ZNF783: variants seen among roughly 807,000 people sequenced by gnomAD.
The protein encoded by ZNF783 is protein ZNF783.
In ZNF783, 25 loss-of-function variants were observed where a neutral mutation model predicts 31.3. The observed-to-expected ratio is 0.80, with a 90% CI of 0.58 to 1.11. The LOEUF (loss-of-function observed/expected upper bound fraction) is 1.11, where lower values mean the gene tolerates loss of function less well. ZNF783 is among the 50% of genes most tolerant of loss of function. The probability of loss-of-function intolerance (pLI) is 0.00; values close to 1 mark genes in which losing one functional copy is unlikely to be tolerated. For missense variants in ZNF783, 797 were observed against 760.0 expected (o/e 1.05, Z -0.57); for synonymous variants, 369 against 319.1 (o/e 1.16, Z -1.66).
chr7:149,281,984 C>T lies in ZNF783; in HGVS notation c.1282C>T (p.Arg428Trp), dbSNP rs1563200137. ...SVAGGRALVG[R>W]RPAASKMYHC... ...GGCAGGGGGCCGTGCCTTGGTGGGG[C>T]GGCGGCCTGCAGCCAGCAAGATGTA... Residue 428 changes from arginine to tryptophan, a missense_variant, in exon 6 of 6, where the codon CGG becomes TGG. By Grantham distance (101) the Arg-to-Trp change is moderately radical. Transcript: ENST00000434415. 5 of 1,574,004 alleles carry T rather than the reference C, an allele frequency of 3.2e-6. No individual in the cohort carries two copies. The Middle Eastern group carries it at 6.9e-4, about 217-fold the overall frequency.
At chr7:149,277,958 G>T (rs905019180) in intron 4 of ZNF783, 4 of 199,522 alleles carry the variant, frequency 2.0e-5, no homozygotes, top group African/African-American at 9.2e-5. Flanking sequence ...CTTCTGAGGG[G>T]AAAACCTTGA....
intron 4 of ZNF783, among the ~76,000 whole-genome samples, chr7:149,272,505 A>C (rs1797229526): frequency 6.6e-6 from 1 of 152,174 alleles, no homozygotes; most frequent in South Asian, 2.1e-4. Context: ...TCAGTGTAAT[A>C]GTAAGAAGTC....
At chr7:149,276,357 A>T (rs1340176177) in intron 4 of ZNF783, 24 of 989,134 alleles carry the variant, frequency 2.4e-5, no homozygotes, top group Non-Finnish European at 2.5e-5. Flanking sequence ...TGTAGGAAGG[A>T]TCCAAAGATG....
chr7:149,262,424 G>C, intron 1 of ZNF783, 67 bp downstream of exon 1: 1 of 1,177,998 alleles, frequency 8.5e-7, no homozygotes. Context: ...CCGCGCGAGG[G>C]ACTCTGGCCG....
intron 4 of ZNF783, 140 bp from the exon 5 acceptor site, chr7:149,278,259 G>A (rs1342541236): frequency 6.9e-7 from 1 of 1,444,278 alleles, no homozygotes; most frequent in African/African-American, 1.4e-5. Flanking sequence ...GTATTTGGTG[G>A]GGTCCACCTC....
At chr7:149,280,538 T>A (rs1335348698) in intron 5 of ZNF783, among the ~76,000 whole-genome samples, 1 of 152,180 alleles carries the variant, frequency 6.6e-6, no homozygotes, top group African/African-American at 2.4e-5. Context: ...TCTGGGGTCC[T>A]TCCTGGTCTT....
chr7:149,263,296 GTGTGTGTGTATATA>G lies in ZNF783; in HGVS notation c.24+941_24+954del, dbSNP rs143774717. Among the ~76,000 whole-genome samples the G allele has an allele frequency of 9.7e-3, 686 of 71,054 alleles. 5 individuals carry two copies. The highest frequency in any genetic ancestry group is 0.014 in the Non-Finnish European group (478 of 33,090). 46.6% of individuals were successfully genotyped at this position (71,054 alleles called of 152,430 possible). ...TGTGTGTGTGTGTGTGTGTGTGTGT[GTGTGTGTGTATATA>G]TATATATATATATATTTTTTTTTTA... On this transcript the variant is annotated intron_variant, in intron 1 of 5. Coordinates refer to ENST00000434415, the MANE Select transcript of ZNF783 (RefSeq NM_001195220.2).
chr7:149,277,530 G>A (rs1164200184), intron 4 of ZNF783: 1 of 152,056 alleles, frequency 6.6e-6, no homozygotes, highest in Non-Finnish European at 1.5e-5. Flanking sequence ...ACAAGGTCAG[G>A]AGTTCAAGAC....
rs1358032204 is a variant in ZNF783 at position 149,278,443 on chromosome 7, G to A, written c.718G>A (p.Ala240Thr). Reference sequence around the variant, plus strand: ...GCACCTCACCAGCCCACTTAGCCCTGCCCAGGAGGAGCTGAAAGAAGGGCA... The same window carrying A: ...GCACCTCACCAGCCCACTTAGCCCTACCCAGGAGGAGCTGAAAGAAGGGCA... ...PEHLTSPLSP[A>T]QEELKEGQAP... The change falls in exon 5 of 6, where the codon GCC becomes ACC. Residue 240 changes from alanine (A) to threonine (T), a missense_variant. Coordinates refer to ENST00000434415, the MANE Select transcript of ZNF783 (RefSeq NM_001195220.2). 1.1e-5 allele frequency: 18 copies of A among 1,599,280 alleles called. No individual in the cohort carries two copies. The highest frequency in any genetic ancestry group is 1.5e-5 in the Non-Finnish European group (18 of 1,179,802).
At chr7:149,279,843 A>G (rs1797420571) in intron 5 of ZNF783, among the ~76,000 whole-genome samples, 1 of 151,496 alleles carries the variant, frequency 6.6e-6, no homozygotes, top group Non-Finnish European at 1.5e-5. Context: ...TACAGAACAA[A>G]ATGAAAAGTC....
intron 4 of ZNF783, 135 bp downstream of exon 4, chr7:149,267,357 T>TGTACAA (rs1797104470): frequency 1.6e-6 from 2 of 1,225,752 alleles, no homozygotes; most frequent in Non-Finnish European, 2.2e-6. Flanking sequence ...GGGACCACTC[T>TGTACAA]GTACAAGGCC....
Position 149,266,408 on chromosome 7 carries a change from A to C in ZNF783, c.98A>C (p.Asn33Thr). 1 of 1,601,130 alleles carries C rather than the reference A, an allele frequency of 6.2e-7. No homozygotes were observed. The highest frequency in any genetic ancestry group is 1.3e-5 in the African/African-American group (1 of 74,944). The change falls in exon 2 of 6, where the codon AAC becomes ACC. Residue 33 changes from asparagine to threonine, a missense_variant. By Grantham distance (65) the Asn-to-Thr change is moderately conservative. Transcript: ENST00000434415. ...TTGCCCCAGCCAGCTGCTGAGAAGAACTCGTACCTCTACTCCACGGAAATC... is the reference window on the plus strand; with the variant it reads ...TTGCCCCAGCCAGCTGCTGAGAAGACCTCGTACCTCTACTCCACGGAAATC... ...TPLPQPAAEK[N>T]SYLYSTEITL...
chr7:149,262,478 C>A, intron 1 of ZNF783, 121 bp downstream of exon 1: 1 of 840,852 alleles, frequency 1.2e-6, no homozygotes, highest in Non-Finnish European at 1.5e-6. Flanking sequence ...AGCCTCCGCG[C>A]TCGTTGCCCC....
chr7:149,278,205 C>T (rs1445767130), intron 4 of ZNF783, 194 bp from the exon 5 acceptor site: 1 of 1,384,858 alleles, frequency 7.2e-7, no homozygotes, highest in Non-Finnish European at 9.4e-7. Flanking sequence ...GCTGCAGTTT[C>T]CTTCTGTGGG....
intron 4 of ZNF783, among the ~76,000 whole-genome samples, chr7:149,275,379 C>A (rs1360913046): frequency 6.6e-6 from 1 of 150,678 alleles, no homozygotes; most frequent in Non-Finnish European, 1.5e-5. Context: ...GTGGCGCGAT[C>A]TTGGCTCACT....
chr7:149,278,621 GGGGCTGGGAGAGA>G (rs975143228), intron 5 of ZNF783, 94 bp downstream of exon 5: 66 of 1,550,456 alleles, frequency 4.3e-5, no homozygotes, highest in Non-Finnish European at 4.9e-5. Context: ...CTGGAAGCAT[GGGGCTGGGAGAGA>G]GGGCTGGGAG....
At chr7:149,265,285 G>C (rs1797037290) in intron 1 of ZNF783, among the ~76,000 whole-genome samples, 2 of 152,162 alleles carry the variant, frequency 1.3e-5, no homozygotes, top group African/African-American at 4.8e-5. Context: ...TCAGATACCA[G>C]GGTAAGCTGA....
intron 1 of ZNF783, 123 bp downstream of exon 1, chr7:149,262,480 C>G: frequency 2.4e-6 from 2 of 827,082 alleles, no homozygotes; most frequent in Non-Finnish European, 3.1e-6. Flanking sequence ...CCTCCGCGCT[C>G]GTTGCCCCCG....
In ZNF783 at chr7:149,281,487, C is replaced by T. The variant is rs761623269; in HGVS notation, c.803-18C>T. The T allele has an allele frequency of 7.0e-7, 1 of 1,433,106 alleles. No individual in the cohort carries two copies. Among genetic ancestry groups the T allele is most frequent in the South Asian group, 1.6e-5 (1 of 64,352 alleles). The allele number at this position is 1,433,106 out of a possible 1,614,324, so 88.8% of individuals were successfully genotyped here. On this transcript the variant is annotated intron_variant, in intron 5 of 5. Coordinates refer to ENST00000434415, the MANE Select transcript of ZNF783 (RefSeq NM_001195220.2). ...GTGGTGAGGTCCACTTGGAAACCAA[C>T]ATAGACTCCTTTGCCAGGTGGTGGT...
Sources: gnomAD v4.1 joint callset for allele counts (sites outside exome capture counted in the v4.1 genomes callset) on GRCh38, gnomAD v4.1.1 for gene constraint, MANE v1.5 for transcripts, NCBI Gene and HGNC (gene_info 2026-07-23, HGNC 2026-07-21) for gene names.